The following TENM3 variants were observed in gnomAD, a reference collection of about 807,000 sequenced individuals.
The protein encoded by TENM3 is teneurin transmembrane protein 3, also known as teneurin-3.
A neutral mutation model predicts 255.1 loss-of-function variants in TENM3; 63 were observed. The observed-to-expected ratio is 0.25, with a 90% CI of 0.20 to 0.30. The LOEUF (loss-of-function observed/expected upper bound fraction) is 0.30, where lower values mean the gene tolerates loss of function less well. Among genes scored for constraint, TENM3 ranks in the 10% least tolerant of loss-of-function variants. The pLI is 1.00. For synonymous variants in TENM3, 1,306 were observed against 1,322.3 expected (o/e 0.99, Z 0.27); for missense variants, 2,929 against 3,461.1 (o/e 0.85, Z 3.86).
chr4:181,824,633 G>C, the TENM3 span, among the ~76,000 whole-genome samples: 1 of 152,094 alleles, frequency 6.6e-6, no homozygotes, highest in Non-Finnish European at 1.5e-5. Flanking sequence ...ATAACAACAT[G>C]AGTTGCTGAT....
At chr4:182,494,443 C>G (rs1735573471) in intron 3 of TENM3, among the ~76,000 whole-genome samples, 1 of 152,148 alleles carries the variant, frequency 6.6e-6, no homozygotes, top group Non-Finnish European at 1.5e-5. Context: ...TGTTGTTCAT[C>G]TCTTACTGCC....
chr4:182,221,544 GT>G (rs1755852204), intron 1 of TENM3, among the ~76,000 whole-genome samples: 1 of 152,126 alleles, frequency 6.6e-6, no homozygotes, highest in South Asian at 2.1e-4. Flanking sequence ...AACTATATTA[GT>G]TTCCATCCTT....
At chr4:181,492,292 T>G in the TENM3 span, among the ~76,000 whole-genome samples, 1 of 152,212 alleles carries the variant, frequency 6.6e-6, no homozygotes, top group African/African-American at 2.4e-5. Context: ...GCTTCTCTTT[T>G]TCACAAAATA....
chr4:181,523,020 G>T, the TENM3 span: 1 of 628,264 alleles, frequency 1.6e-6, no homozygotes, highest in African/African-American at 1.8e-5. Flanking sequence ...ATAATTTGAA[G>T]ATTGTAGAAG....
chr4:182,153,150 A>G (rs1750461309), intron 1 of TENM3, among the ~76,000 whole-genome samples: 1 of 152,046 alleles, frequency 6.6e-6, no homozygotes, highest in South Asian at 2.1e-4. Context: ...CAAAACATAC[A>G]CTAACTGAAG....
At chr4:182,254,189 T>C (rs1238365850) in intron 1 of TENM3, among the ~76,000 whole-genome samples, 2 of 152,176 alleles carry the variant, frequency 1.3e-5, no homozygotes, top group African/African-American at 4.8e-5. Flanking sequence ...ATGTGCAGTG[T>C]AAAACAAAGG....
intron 3 of TENM3, among the ~76,000 whole-genome samples, chr4:182,558,558 A>C (rs1742805782): frequency 6.6e-6 from 1 of 152,176 alleles, no homozygotes; most frequent in Non-Finnish European, 1.5e-5. Context: ...AGTAAGAGGA[A>C]GTAGATTGGG....
intron 4 of TENM3, among the ~76,000 whole-genome samples, chr4:182,617,172 G>A (rs1363091447): frequency 1.3e-5 from 2 of 152,090 alleles, no homozygotes; most frequent in Non-Finnish European, 2.9e-5. Context: ...AATACATACT[G>A]ACAAATATTT....
chr4:181,948,179 T>C, the TENM3 span, among the ~76,000 whole-genome samples: 1 of 152,100 alleles, frequency 6.6e-6, no homozygotes, highest in African/African-American at 2.4e-5. Flanking sequence ...TCTATGGAGG[T>C]TACAAAACAC....
chr4:182,448,803 CGAGGGGGTGAG>C (rs1773165602), intron 3 of TENM3, among the ~76,000 whole-genome samples: 3 of 145,810 alleles, frequency 2.1e-5, no homozygotes, highest in Non-Finnish European at 4.6e-5. Flanking sequence ...TGGAGCGGGG[CGAGGGGGTGAG>C]GCGAGGGGGT....
chr4:182,304,199 T>C (rs1297359150), intron 1 of TENM3, among the ~76,000 whole-genome samples: 2 of 152,050 alleles, frequency 1.3e-5, no homozygotes, highest in Non-Finnish European at 2.9e-5. Context: ...AATATTATAT[T>C]ATCTTTTCTC....
chr4:182,410,456 G>A (rs181619897), intron 3 of TENM3, among the ~76,000 whole-genome samples: 1 of 152,328 alleles, frequency 6.6e-6, no homozygotes, highest in African/African-American at 2.4e-5. Flanking sequence ...TCTGTCTCCC[G>A]AGGCTCACAG....
chr4:182,211,432 G>T (rs1372132686), intron 1 of TENM3, among the ~76,000 whole-genome samples: 1 of 152,002 alleles, frequency 6.6e-6, no homozygotes, highest in African/African-American at 2.4e-5. Context: ...GCGGTGGCTC[G>T]CTTTTCTATT....
chr4:182,562,321 G>A (rs1743285805), intron 3 of TENM3, among the ~76,000 whole-genome samples: 3 of 152,132 alleles, frequency 2.0e-5, no homozygotes, highest in Non-Finnish European at 4.4e-5. Flanking sequence ...TTATGAAAGT[G>A]TCACGGGATG....
At chr4:182,503,300 T>G (rs1736499160) in intron 3 of TENM3, among the ~76,000 whole-genome samples, 1 of 152,164 alleles carries the variant, frequency 6.6e-6, no homozygotes, top group African/African-American at 2.4e-5. Context: ...GCCATTTGTC[T>G]TACAGGGACA....
At chr4:181,535,259 T>C in the TENM3 span, among the ~76,000 whole-genome samples, 171 of 152,282 alleles carry the variant, frequency 1.1e-3, 1 homozygote, top group African/African-American at 3.9e-3. Context: ...GGATTGGTGA[T>C]GTTCAGTATC....
chr4:181,775,343 G>A, the TENM3 span, among the ~76,000 whole-genome samples: 2 of 152,078 alleles, frequency 1.3e-5, no homozygotes, highest in East Asian at 1.9e-4. Flanking sequence ...GATTTCAATT[G>A]CTTTGGAGAT....
chr4:182,270,967 C>T (rs976315505), intron 1 of TENM3, among the ~76,000 whole-genome samples: 2 of 152,152 alleles, frequency 1.3e-5, no homozygotes, highest in Non-Finnish European at 2.9e-5. Context: ...ATAAGCGTCA[C>T]ACAAGCACTG....
chr4:181,643,520 T>C, the TENM3 span, among the ~76,000 whole-genome samples: 13 of 152,120 alleles, frequency 8.5e-5, no homozygotes, highest in African/African-American at 2.7e-4. Context: ...AGAGTGTTAC[T>C]TTTTTTGAAC....
Sources: gnomAD v4.1 joint callset for allele counts (sites outside exome capture counted in the v4.1 genomes callset) on GRCh38, gnomAD v4.1.1 for gene constraint, MANE v1.5 for transcripts, NCBI Gene and HGNC (gene_info 2026-07-23, HGNC 2026-07-21) for gene names.